The following ECSIT variants were observed in gnomAD, a reference collection of about 807,000 sequenced individuals.
ECSIT encodes ECSIT signaling integrator, also known as evolutionarily conserved signaling intermediate in Toll pathway, mitochondrial.
A neutral mutation model predicts 36.8 loss-of-function variants in ECSIT; 29 were observed. The ratio of observed to expected loss-of-function variants is 0.79; its 90% CI spans 0.59 to 1.08. ECSIT has a LOEUF of 1.08. ECSIT is among the 50% of genes least tolerant of loss of function. ECSIT has a pLI of 0.00. For missense variants in ECSIT, 542 were observed against 581.0 expected (o/e 0.93, Z 0.69); for synonymous variants, 231 against 234.8 (o/e 0.98, Z 0.15).
In ECSIT at chr19:11,513,179, A is replaced by G; in HGVS notation, c.615T>C (p.Pro205=). The change falls in exon 4 of 8, where the codon CCT becomes CCC. Residue 205 remains proline (P), a synonymous_variant. Transcript: ENST00000270517. ...GGAAGGGGTTGACGTTCATGAATCG[A>G]GGGAACCACAGCTTCAGGCGCACCA... ...LKLVRLKLWF[P]RFMNVNPFPV... is the part of the protein sequence containing the mutation. 6.2e-7 allele frequency: 1 copy of G among 1,614,144 alleles called. No homozygotes were observed. The highest frequency in any genetic ancestry group is 8.5e-7 in the Non-Finnish European group (1 of 1,180,038).
In ECSIT at chr19:11,524,068, C is replaced by T. The variant is rs1001888860; in HGVS notation, c.-23-4875G>A. On this transcript the variant is annotated intron_variant, in intron 1 of 7. Transcript: ENST00000270517. The stretch of plus-strand genomic sequence containing the variant: ...CTGAGTAGCTGGGATTACAGGTGTG[C>T]GCCACCACACTCAACTAATTTTTAC... 7.2e-5 allele frequency among the ~76,000 whole-genome samples: 11 copies of T among 151,988 alleles called. No individual in the cohort carries two copies. The South Asian group carries it at 2.1e-3, about 29-fold the overall frequency.
Position 11,511,989 on chromosome 19 carries a change from G to A in ECSIT, c.738+1067C>T, listed in dbSNP as rs563397608. ...CAGAGTTGCAGTGAGCTGAGATGGC[G>A]CCACAGCACTCCAGCCTGGCGACAG... On this transcript the variant is annotated intron_variant, in intron 4 of 7. Coordinates refer to ENST00000270517, the MANE Select transcript of ECSIT (RefSeq NM_016581.5). Among the ~76,000 whole-genome samples the A allele has an allele frequency of 8.6e-5, 13 of 151,322 alleles. No homozygotes were observed. The East Asian group carries it at 2.5e-3, about 29-fold the overall frequency.
chr19:11,506,469 G>C, intron 7 of ECSIT, 41 bp from the exon 8 acceptor site: 2 of 1,576,442 alleles, frequency 1.3e-6, no homozygotes, highest in Non-Finnish European at 1.7e-6. Context: ...CACAGTGGGG[G>C]CTGCAGCGGC....
intron 1 of ECSIT, chr19:11,528,753 T>C (rs1972266205): frequency 6.6e-6 from 1 of 152,240 alleles, no homozygotes; most frequent in South Asian, 2.1e-4. Context: ...ACAACAGCTT[T>C]GAAACCGGCT....
intron 4 of ECSIT, among the ~76,000 whole-genome samples, chr19:11,511,019 A>C (rs1401914946): frequency 6.7e-6 from 1 of 148,656 alleles, no homozygotes; most frequent in African/African-American, 2.5e-5. Flanking sequence ...CACTCACTGC[A>C]CCGCATTTCC....
Position 11,514,049 on chromosome 19 carries a change from A to G in ECSIT, c.269T>C (p.Leu90Pro), listed in dbSNP as rs1480286372. ...PGGERDKASF[L>P]QTVQKFAEHS... ...CTCCGCAAATTTCTGCACCGTCTGC[A>G]GGAAGCTCGCCTTGTCCCGTTCCCC... Residue 90 changes from leucine to proline, a missense_variant, in exon 3 of 8, where the codon CTG (leucine) becomes CCG (proline). Coordinates refer to ENST00000270517, the MANE Select transcript of ECSIT (RefSeq NM_016581.5). The G allele has an allele frequency of 1.9e-6, 3 of 1,614,074 alleles. No individual in the cohort carries two copies. Among genetic ancestry groups the G allele is most frequent in the African/African-American group, 2.7e-5 (2 of 74,946 alleles).
In ECSIT at chr19:11,513,157, A is replaced by T. The variant is rs753631610; in HGVS notation, c.637T>A (p.Phe213Ile). The change falls in exon 4 of 8, where the codon TTC becomes ATC. Residue 213 changes from phenylalanine to isoleucine, a missense_variant. Transcript: ENST00000270517. The stretch of plus-strand genomic sequence containing the variant: ...TGGGGCAGGTCCCGGGGCACTGGGA[A>T]GGGGTTGACGTTCATGAATCGAGGG... ...WFPRFMNVNPFPVPRDLPQDP... is the reference protein window; with the variant it reads ...WFPRFMNVNPIPVPRDLPQDP... 6.2e-7 allele frequency: 1 copy of T among 1,614,184 alleles called. No homozygotes were observed. The highest frequency in any genetic ancestry group is 1.7e-5 in the Admixed American group (1 of 60,018).
In ECSIT at chr19:11,513,203, C is replaced by A; in HGVS notation, c.591G>T (p.Leu197Phe). 2 of 1,614,134 alleles carry A rather than the reference C, an allele frequency of 1.2e-6. No individual in the cohort carries two copies. The highest frequency in any genetic ancestry group is 2.2e-5 in the South Asian group (2 of 91,084). ...GAGGGAACCACAGCTTCAGGCGCAC[C>A]AACTTGAGCATGGGGTAGCTTTTGC... ...FGRKSYPMLK[L>F]VRLKLWFPRF... Residue 197 changes from leucine to phenylalanine, a missense_variant, in exon 4 of 8, where the codon TTG (leucine) becomes TTT (phenylalanine). Transcript: ENST00000270517.
At chr19:11,517,231 C>T (rs1362457745) in intron 2 of ECSIT, among the ~76,000 whole-genome samples, 1 of 151,790 alleles carries the variant, frequency 6.6e-6, no homozygotes. Context: ...AGTCCCCCTA[C>T]TCTGCGGTCC....
At chr19:11,528,828 G>A (rs1022768636) in intron 1 of ECSIT, 4 of 152,276 alleles carry the variant, frequency 2.6e-5, no homozygotes, top group Non-Finnish European at 4.4e-5. Flanking sequence ...CCCGGTTGCC[G>A]ACTTGCGGCG....
At chr19:11,518,992 TCA>T (rs1972050011) in intron 2 of ECSIT, 81 bp downstream of exon 2, 24 of 1,225,910 alleles carry the variant, frequency 2.0e-5, no homozygotes, top group Non-Finnish European at 2.6e-5. Flanking sequence ...AGAACTGGCT[TCA>T]CAGAGTGGAT....
chr19:11,523,830 GA>G, intron 1 of ECSIT: 1 of 597,354 alleles, frequency 1.7e-6, no homozygotes, highest in Non-Finnish European at 3.1e-6. Flanking sequence ...TGCAAGAAAT[GA>G]AGACATAAAT....
chr19:11,510,370 G>T (rs1447217080), intron 4 of ECSIT, among the ~76,000 whole-genome samples: 1 of 151,048 alleles, frequency 6.6e-6, no homozygotes, highest in Non-Finnish European at 1.5e-5. Flanking sequence ...TAGAGATGGG[G>T]TCTTGCCATG....
intron 7 of ECSIT, 77 bp from the exon 8 acceptor site, chr19:11,506,505 G>A: frequency 8.0e-7 from 1 of 1,253,372 alleles, no homozygotes; most frequent in Non-Finnish European, 1.1e-6. Context: ...CCTTTTTGAG[G>A]TATTTTACAC....
In ECSIT at chr19:11,506,162, C is replaced by A. The variant is rs773051413; in HGVS notation, c.*22G>T. 3.7e-6 allele frequency: 6 copies of A among 1,601,130 alleles called. No homozygotes were observed. In the South Asian group the frequency reaches 6.6e-5, roughly 18 times the overall value. Reference sequence around the variant, plus strand: ...TCCACCGCCTCCTCGGGCCACAGCCCGTGCCCTCGCGCCGGCTCAGACTAG... The same window carrying A: ...TCCACCGCCTCCTCGGGCCACAGCCAGTGCCCTCGCGCCGGCTCAGACTAG... On this transcript the variant is annotated 3_prime_UTR_variant, in exon 8 of 8. Coordinates refer to ENST00000270517, the MANE Select transcript of ECSIT (RefSeq NM_016581.5).
rs1436499171 is a variant in ECSIT at position 11,507,540 on chromosome 19, T to C, written c.968A>G (p.Glu323Gly). 1.2e-6 allele frequency: 2 copies of C among 1,614,016 alleles called. No homozygotes were observed. Among genetic ancestry groups the C allele is most frequent in the South Asian group, 2.2e-5 (2 of 91,080 alleles). ...EEREVEETPE[E>G]WNLYYPMQLD... is the part of the protein sequence containing the mutation. ...CTGCATCGGGTAGTAGAGGTTCCAC[T>C]CCTCCGGCGTCTCTTCCACTTCCTA... The change falls in exon 7 of 8, where the codon GAG (glutamate) becomes GGG (glycine). Residue 323 changes from glutamate (E) to glycine (G), a missense_variant. Coordinates refer to ENST00000270517, the MANE Select transcript of ECSIT (RefSeq NM_016581.5).
chr19:11,527,741 G>A (rs1476305046), intron 1 of ECSIT, among the ~76,000 whole-genome samples: 2 of 151,362 alleles, frequency 1.3e-5, no homozygotes, highest in Non-Finnish European at 2.9e-5. Context: ...TATAATCCTA[G>A]TGCTTTGGAA....
In ECSIT at chr19:11,506,353, C is replaced by T; in HGVS notation, c.1127G>A (p.Gly376Asp). The T allele has an allele frequency of 6.2e-7, 1 of 1,613,628 alleles. No individual in the cohort carries two copies. Among genetic ancestry groups the T allele is most frequent in the Non-Finnish European group, 8.5e-7 (1 of 1,179,894 alleles). Residue 376 changes from glycine to aspartate, a missense_variant, in exon 8 of 8, where the codon GGC (glycine) becomes GAC (aspartate). Physicochemically the swap from Gly to Asp is moderately conservative, Grantham distance 94. Coordinates refer to ENST00000270517, the MANE Select transcript of ECSIT (RefSeq NM_016581.5). ...DQATMAKWIQ[G>D]LQETNPTLAQ... ...CAGGGTTGGGTTGGTCTCCTGCAGGCCCTGGATCCACTTAGCCATCGTCGC... is the reference window on the plus strand; with the variant it reads ...CAGGGTTGGGTTGGTCTCCTGCAGGTCCTGGATCCACTTAGCCATCGTCGC...
At position 11,515,068 on chromosome 19, in the gene ECSIT, G is replaced by T. The variant is rs538346917; in HGVS notation, c.97-847C>A. On this transcript the variant is annotated intron_variant, in intron 2 of 7. Transcript: ENST00000270517. The stretch of plus-strand genomic sequence containing the variant: ...TGGCCAGGCTGGTCTCAAACTCCAG[G>T]CCTCAAGTGATCCACCTGCCTCAGC... Among the ~76,000 whole-genome samples, 7 of 149,522 alleles carry T rather than the reference G, an allele frequency of 4.7e-5. No homozygotes were observed. The East Asian group carries it at 7.8e-4, about 17-fold the overall frequency.
Sources: allele counts gnomAD v4.1 joint callset (sites outside exome capture counted in the v4.1 genomes callset), GRCh38; gene constraint gnomAD v4.1.1; transcripts MANE v1.5; gene names NCBI Gene and HGNC (gene_info 2026-07-23, HGNC 2026-07-21).